Variants in SCAF4 observed in about 807,000 individuals in gnomAD.
SCAF4 encodes the protein SR-related CTD associated factor 4, also known as SR-related and CTD-associated factor 4.
In SCAF4, 25 loss-of-function variants were observed where a neutral mutation model predicts 129.8. That is an observed-to-expected ratio of 0.19 (90% CI 0.14 to 0.27). The LOEUF (loss-of-function observed/expected upper bound fraction) is 0.27, where lower values mean the gene tolerates loss of function less well. Ranked by LOEUF, SCAF4 falls within the 10% of genes least tolerant of loss-of-function variation. The probability of loss-of-function intolerance (pLI) is 1.00; values close to 1 mark genes in which losing one functional copy is unlikely to be tolerated. For synonymous variants in SCAF4, 551 were observed against 497.7 expected (o/e 1.11, Z -1.43); for missense variants, 1,246 against 1,457.1 (o/e 0.86, Z 2.36).
chr21:31,706,989 G>C (rs1287262730), intron 1 of SCAF4: 1 of 300,514 alleles, frequency 3.3e-6, no homozygotes, highest in East Asian at 1.2e-4. Flanking sequence ...TTTAAGGAGG[G>C]AATCCCAGTT....
chr21:31,674,924 C>A (rs1444074678), intron 19 of SCAF4, among the ~76,000 whole-genome samples: 1 of 152,110 alleles, frequency 6.6e-6, no homozygotes, highest in Non-Finnish European at 1.5e-5. Flanking sequence ...GGAGATGGCA[C>A]AAGCTAGCAT....
At chr21:31,684,855 T>C (rs913861740) in intron 19 of SCAF4, 194 bp downstream of exon 19, 6 of 572,596 alleles carry the variant, frequency 1.0e-5, no homozygotes, top group Middle Eastern at 4.6e-4. Flanking sequence ...AAAGATCAAG[T>C]ACACATATTT....
chr21:31,671,722 C>A lies in SCAF4; in HGVS notation c.3121G>T (p.Asp1041Tyr). ...REWGRRSPDR[D>Y]RHRDLEERNR... Reference sequence around the variant, plus strand: ...CTCTCTTCCAAGTCTCTGTGCCTGTCCCGGTCAGGGCTCCTCCTTCCCCAC... The same window carrying A: ...CTCTCTTCCAAGTCTCTGTGCCTGTACCGGTCAGGGCTCCTCCTTCCCCAC... Residue 1041 changes from aspartate (D) to tyrosine (Y), a missense_variant, in exon 20 of 20, where the codon GAC becomes TAC. This residue lies in a region of SCAF4 where 339 missense variants were observed against 325.0 expected (regional missense o/e 1.04). Coordinates refer to ENST00000286835, the MANE Select transcript of SCAF4 (RefSeq NM_020706.2). 6.2e-7 allele frequency: 1 copy of A among 1,614,154 alleles called. No individual in the cohort carries two copies. The highest frequency in any genetic ancestry group is 8.5e-7 in the Non-Finnish European group (1 of 1,179,988).
At chr21:31,700,687 C>A in intron 7 of SCAF4, 1 of 354,980 alleles carries the variant, frequency 2.8e-6, no homozygotes, top group Non-Finnish European at 5.2e-6. Context: ...ACAGTAATCC[C>A]CAAGTATTGG....
chr21:31,697,864 A>G (rs1466292561), intron 7 of SCAF4, among the ~76,000 whole-genome samples: 1 of 152,232 alleles, frequency 6.6e-6, no homozygotes, highest in Non-Finnish European at 1.5e-5. Flanking sequence ...TAAAGTTCTT[A>G]CAAATGAGCA....
intron 1 of SCAF4, among the ~76,000 whole-genome samples, chr21:31,726,816 T>C (rs1379458169): frequency 6.6e-6 from 1 of 152,178 alleles, no homozygotes; most frequent in Non-Finnish European, 1.5e-5. Flanking sequence ...TATTAATATT[T>C]GAGCAAACAA....
chr21:31,676,335 A>G lies in SCAF4; in HGVS notation c.2489-3981T>C, dbSNP rs529615377. On this transcript the variant is annotated intron_variant, in intron 19 of 19. Coordinates refer to ENST00000286835, the MANE Select transcript of SCAF4 (RefSeq NM_020706.2). Reference sequence around the variant, plus strand: ...CCTCTTTCCAGGTTATTCTCTCCAGATCTCCTTTCCCCAAACAATCTTCAA... The same window carrying G: ...CCTCTTTCCAGGTTATTCTCTCCAGGTCTCCTTTCCCCAAACAATCTTCAA... Among the ~76,000 whole-genome samples, 5 of 152,106 alleles carry G rather than the reference A, an allele frequency of 3.3e-5. No homozygotes were observed. The East Asian group carries it at 9.7e-4, about 29-fold the overall frequency.
chr21:31,727,492 A>G (rs758775920), intron 1 of SCAF4, among the ~76,000 whole-genome samples: 1 of 152,182 alleles, frequency 6.6e-6, no homozygotes, highest in Non-Finnish European at 1.5e-5. Context: ...AATACAATCA[A>G]TGGGTTAAAA....
At chr21:31,720,597 T>C (rs1303790563) in intron 1 of SCAF4, among the ~76,000 whole-genome samples, 4 of 152,216 alleles carry the variant, frequency 2.6e-5, no homozygotes, top group East Asian at 1.9e-4. Context: ...CAAAGGACTG[T>C]GTCAAATCTC....
At chr21:31,693,888 T>C (rs1178391960) in intron 11 of SCAF4, among the ~76,000 whole-genome samples, 1 of 152,186 alleles carries the variant, frequency 6.6e-6, no homozygotes, top group Non-Finnish European at 1.5e-5. Context: ...TTTTGCTGGC[T>C]GATAAAGCTG....
chr21:31,726,267 G>T (rs1264669941), intron 1 of SCAF4, among the ~76,000 whole-genome samples: 2 of 152,038 alleles, frequency 1.3e-5, no homozygotes, highest in African/African-American at 4.8e-5. Context: ...GAATGGTCTC[G>T]ATCTCTTGAC....
chr21:31,694,106 T>TACCA, intron 11 of SCAF4, 98 bp downstream of exon 11: 2 of 660,954 alleles, frequency 3.0e-6, no homozygotes, highest in Non-Finnish European at 5.2e-6. Flanking sequence ...ACTGTTATTT[T>TACCA]ACTAACATTC....
intron 16 of SCAF4, 100 bp downstream of exon 16, chr21:31,688,207 C>G (rs2050175580): frequency 2.2e-6 from 2 of 905,772 alleles, no homozygotes; most frequent in South Asian, 4.5e-5. Context: ...CATATATGTA[C>G]TCATGTTTTT....
chr21:31,689,438 C>T (rs1005160048), intron 15 of SCAF4, among the ~76,000 whole-genome samples: 6 of 150,672 alleles, frequency 4.0e-5, no homozygotes. Context: ...GCTGGGATTA[C>T]AGACACCCGC....
At chr21:31,718,725 A>G (rs2050998710) in intron 1 of SCAF4, among the ~76,000 whole-genome samples, 1 of 152,262 alleles carries the variant, frequency 6.6e-6, no homozygotes, top group Non-Finnish European at 1.5e-5. Flanking sequence ...TTTACTCTTC[A>G]GATTTCAAGA....
intron 1 of SCAF4, among the ~76,000 whole-genome samples, chr21:31,725,431 T>C (rs2051178266): frequency 6.6e-6 from 1 of 152,216 alleles, no homozygotes; most frequent in African/African-American, 2.4e-5. Flanking sequence ...CAGAATAACA[T>C]GATTGACAGC....
chr21:31,676,240 T>C (rs2123467235), intron 19 of SCAF4, among the ~76,000 whole-genome samples: 1 of 152,280 alleles, frequency 6.6e-6, no homozygotes, highest in East Asian at 1.9e-4. Flanking sequence ...GAGCTCTAGA[T>C]GTTTGATCAC....
In SCAF4 at chr21:31,671,446, C is replaced by T. The variant is rs563567552; in HGVS notation, c.3397G>A (p.Val1133Ile). The change falls in exon 20 of 20, where the codon GTT becomes ATT. Residue 1133 changes from valine (V) to isoleucine (I), a missense_variant. Transcript: ENST00000286835. ...EELPAEATSS[V>I]EPEKDSGSAA... is the part of the protein sequence containing the mutation. ...GAGCCAGAATCCTTTTCGGGTTCAACGGATGAGGTAGCCTCAGCAGGTAAC... is the reference window on the plus strand; with the variant it reads ...GAGCCAGAATCCTTTTCGGGTTCAATGGATGAGGTAGCCTCAGCAGGTAAC... 48 of 1,614,054 alleles carry T rather than the reference C, an allele frequency of 3.0e-5. No homozygotes were observed. Among genetic ancestry groups the T allele is most frequent in the Middle Eastern group, 3.3e-4 (2 of 6,058 alleles).
rs2050666230 is a variant in SCAF4 at position 31,706,484 on chromosome 21, A to T, written c.31-127T>A. 3 of 645,754 alleles carry T rather than the reference A, an allele frequency of 4.6e-6. No individual in the cohort carries two copies. The African/African-American group carries it at 5.5e-5, about 12-fold the overall frequency. 40.0% of individuals were successfully genotyped at this position (645,754 alleles called of 1,614,324 possible). A position where few individuals can be genotyped will look rare whatever the true frequency, so the allele number is the denominator to read the frequency against. On this transcript the variant is annotated intron_variant, in intron 1 of 19. Transcript: ENST00000286835. The stretch of plus-strand genomic sequence containing the variant: ...GGGCCGGGGTGGTGAGGGGGGTCTT[A>T]GCAGCTAGGGCAGCAGGAAGAGCTT...
Sources: gnomAD v4.1 joint callset for allele counts (sites outside exome capture counted in the v4.1 genomes callset) on GRCh38, gnomAD v4.1.1 for gene constraint, gnomAD v4.1.1 regional missense constraint, MANE v1.5 for transcripts, NCBI Gene and HGNC (gene_info 2026-07-23, HGNC 2026-07-21) for gene names.